BUD23: variants seen among roughly 807,000 people sequenced by gnomAD.
BUD23 encodes the protein 18S rRNA (guanine-N(7))-methyltransferase.
BUD23 carries 34 observed loss-of-function variants against 47.0 expected under a neutral mutation model. The observed-to-expected ratio is 0.72, with a 90% confidence interval of 0.55 to 0.96. BUD23 has a LOEUF of 0.96. Among genes scored for constraint, BUD23 ranks in the 40% least tolerant of loss-of-function variants. BUD23 has a pLI of 0.00. For missense variants in BUD23, 343 were observed against 361.2 expected, an observed-to-expected ratio of 0.95 and a Z score of 0.41; for synonymous variants, 124 against 132.0, an observed-to-expected ratio of 0.94 and a Z score of 0.41.
At chr7:73,693,014 G>A in intron 7 of BUD23, 1 of 547,042 alleles carries the variant, frequency 1.8e-6, no homozygotes, top group Non-Finnish European at 3.3e-6. Context: ...TAAGTGAAGA[G>A]CTGTTCCTGA....
intron 5 of BUD23, among the ~76,000 whole-genome samples, chr7:73,689,430 G>A (rs1169756582): frequency 1.3e-5 from 2 of 151,896 alleles, no homozygotes; most frequent in African/African-American, 4.8e-5. Context: ...AACAGTTTCT[G>A]CGTGTAAGAC....
chr7:73,687,467 A>T (rs1431540316), intron 5 of BUD23, among the ~76,000 whole-genome samples: 2 of 152,046 alleles, frequency 1.3e-5, no homozygotes, highest in Non-Finnish European at 2.9e-5. Flanking sequence ...AGTGGAGGTG[A>T]GGTTTCACTA....
chr7:73,692,690 C>G (rs1563557300), intron 7 of BUD23, 44 bp downstream of exon 7: 1 of 1,583,162 alleles, frequency 6.3e-7, no homozygotes, highest in East Asian at 2.2e-5. Flanking sequence ...TTGGGGGACT[C>G]AACAGGTAAG....
At chr7:73,693,843 C>A in intron 9 of BUD23, 149 bp from the exon 10 acceptor site, 3 of 1,302,152 alleles carry the variant, frequency 2.3e-6, no homozygotes, top group Non-Finnish European at 3.3e-6. Context: ...CTCTGCTCTG[C>A]AGGTCCCAGA....
rs542469636 is a variant in BUD23 at position 73,686,561 on chromosome 7, T to G, written c.87-75T>G. The G allele has an allele frequency of 7.4e-4, 1,005 of 1,364,060 alleles. 5 individuals carry two copies. In the African/African-American group the frequency reaches 0.013, roughly 17 times the overall value. The allele number at this position is 1,364,060 out of a possible 1,614,324, so 84.5% of individuals were successfully genotyped here. On this transcript the variant is annotated intron_variant, in intron 2 of 11. Coordinates refer to ENST00000265758, the MANE Select transcript of BUD23 (RefSeq NM_017528.5). ...GTTTTTAACTTGGCTTTTTTTTGTT[T>G]TTTGTTTTTTGGTCTGGGGGAAGTA...
rs782727095 is a variant in BUD23 at position 73,687,073 on chromosome 7, G to C, written c.340G>C (p.Gly114Arg). ...GGGCCAGGGCATCCCATTCAAGCCA[G>C]GCACATTTGATGGTTGCATCAGGTG... ...DMGQGIPFKP[G>R]TFDGCISISA... The change falls in exon 5 of 12, where the codon GGC becomes CGC. Residue 114 changes from glycine (G) to arginine (R), a missense_variant. By Grantham distance (125) the Gly-to-Arg change is moderately radical. Coordinates refer to ENST00000265758, the MANE Select transcript of BUD23 (RefSeq NM_017528.5). 2 of 1,613,852 alleles carry C rather than the reference G, an allele frequency of 1.2e-6. No homozygotes were observed. The highest frequency in any genetic ancestry group is 2.2e-5 in the South Asian group (2 of 91,054).
intron 1 of BUD23, 32 bp downstream of exon 1, chr7:73,683,705 C>A: frequency 6.2e-7 from 1 of 1,614,062 alleles, no homozygotes; most frequent in Middle Eastern, 1.6e-4. Context: ...CACCCCTCTC[C>A]CCACTTCTGC....
At chr7:73,692,559 G>A in intron 6 of BUD23, 37 bp from the exon 7 acceptor site, 1 of 1,608,290 alleles carries the variant, frequency 6.2e-7, no homozygotes, top group Non-Finnish European at 8.5e-7. Flanking sequence ...AGCTCATGCA[G>A]TCATTTGTAA....
In BUD23 at chr7:73,686,745, G is replaced by C. The variant is rs1554613063; in HGVS notation, c.182+14G>C. 6.2e-7 allele frequency: 1 copy of C among 1,614,032 alleles called. No homozygotes were observed. Among genetic ancestry groups the C allele is most frequent in the South Asian group, 1.1e-5 (1 of 91,088 alleles). On this transcript the variant is annotated intron_variant, in intron 3 of 11. Transcript: ENST00000265758. The stretch of plus-strand genomic sequence containing the variant: ...GCTGGATATTGGGTGAGATTCTGGG[G>C]CCTGGTTCAGATTGTCTAAGGTGGT...
intron 6 of BUD23, 36 bp downstream of exon 6, chr7:73,691,048 G>A (rs1554613962): frequency 6.4e-6 from 10 of 1,573,638 alleles, no homozygotes; most frequent in South Asian, 5.5e-5. Context: ...TGGGTTAGCT[G>A]CCTGTCCCTC....
chr7:73,692,570 G>A, intron 6 of BUD23, 26 bp from the exon 7 acceptor site: 1 of 1,612,198 alleles, frequency 6.2e-7, no homozygotes, highest in Non-Finnish European at 8.5e-7. Flanking sequence ...TCATTTGTAA[G>A]ACAGTGATGT....
intron 5 of BUD23, among the ~76,000 whole-genome samples, chr7:73,689,580 G>C (rs1413945905): frequency 6.6e-6 from 1 of 152,090 alleles, no homozygotes; most frequent in Non-Finnish European, 1.5e-5. Context: ...TTGAAGGCTG[G>C]GAGGAATTTG....
At chr7:73,692,817 ATCTGCGGAGGTGGGGTGGGATGCCTTC>A in intron 7 of BUD23, 171 bp downstream of exon 7, 1 of 622,334 alleles carries the variant, frequency 1.6e-6, no homozygotes, top group Non-Finnish European at 2.8e-6. Flanking sequence ...AGGGGGTGGC[ATCTGCGGAGGTGGGGTGGGATGCCTTC>A]TCTTGGCAGA....
chr7:73,698,076 A>G lies in BUD23; in HGVS notation c.*190A>G. On this transcript the variant is annotated 3_prime_UTR_variant, in exon 12 of 12. Transcript: ENST00000265758. ...CTTGGGAGGCTGAGGTGGGAGGATC[A>G]TTTGAGGCCAGGAGTTTGAGACCTG... 1 of 317,338 alleles carries G rather than the reference A, an allele frequency of 3.2e-6. No homozygotes were observed. Among genetic ancestry groups the G allele is most frequent in the Non-Finnish European group, 5.5e-6 (1 of 182,734 alleles). The allele number at this position is 317,338 out of a possible 1,614,324, so 19.7% of individuals were successfully genotyped here.
chr7:73,685,078 G>A (rs1284914524), intron 2 of BUD23, among the ~76,000 whole-genome samples: 1 of 150,374 alleles, frequency 6.7e-6, no homozygotes, highest in Non-Finnish European at 1.5e-5. Context: ...AGGCGGAGGT[G>A]GACGGATCAC....
At chr7:73,686,317 T>A (rs1212623064) in intron 2 of BUD23, among the ~76,000 whole-genome samples, 1 of 152,214 alleles carries the variant, frequency 6.6e-6, no homozygotes, top group African/African-American at 2.4e-5. Context: ...CCCAGCCTAA[T>A]AGAGTTGCAG....
At chr7:73,692,001 A>C (rs1798212416) in intron 6 of BUD23, among the ~76,000 whole-genome samples, 1 of 151,984 alleles carries the variant, frequency 6.6e-6, no homozygotes, top group South Asian at 2.1e-4. Flanking sequence ...GCACCTGCCG[A>C]TCTGGCCACT....
rs570964886 is a variant in BUD23, at chr7:73,693,536, C to T, written c.597-88C>T. 4.0e-5 allele frequency: 64 copies of T among 1,588,384 alleles called. 1 individual carries two copies. The South Asian group carries it at 4.2e-4, about 10-fold the overall frequency. Reference sequence around the variant, plus strand: ...TGTGGGTCACCAGGGTCCAGGCAGGCGGAGGGGGTGCGGGTGGGGGAGCTG... The same window carrying T: ...TGTGGGTCACCAGGGTCCAGGCAGGTGGAGGGGGTGCGGGTGGGGGAGCTG... On this transcript the variant is annotated intron_variant, in intron 8 of 11. Coordinates refer to ENST00000265758, the MANE Select transcript of BUD23 (RefSeq NM_017528.5).
At chr7:73,684,059 G>A (rs1797840726) in intron 2 of BUD23, 2 of 1,320,664 alleles carry the variant, frequency 1.5e-6, no homozygotes, top group East Asian at 5.1e-5. Context: ...GTGACAATTT[G>A]TCCTAAACAT....
Sources: allele counts gnomAD v4.1 joint callset (sites outside exome capture counted in the v4.1 genomes callset), GRCh38; gene constraint gnomAD v4.1.1; transcripts MANE v1.5; gene names NCBI Gene and HGNC (gene_info 2026-07-23, HGNC 2026-07-21).